FSIP1: variants seen among roughly 807,000 people sequenced by gnomAD.
The protein encoded by FSIP1 is fibrous sheath-interacting protein 1.
Under a neutral mutation model 60.9 loss-of-function variants are expected in FSIP1, and 65 were observed. The observed-to-expected ratio is 1.07, with a 90% CI of 0.87 to 1.31. The LOEUF (loss-of-function observed/expected upper bound fraction) is 1.31, where lower values mean the gene tolerates loss of function less well. Ranked by LOEUF, FSIP1 falls within the 40% of genes most tolerant of loss-of-function variation. FSIP1 has a pLI of 0.00. For missense variants in FSIP1, 675 were observed against 665.5 expected, an observed-to-expected ratio of 1.01 and a Z score of -0.16; for synonymous variants, 209 against 221.2, an observed-to-expected ratio of 0.94 and a Z score of 0.49.
At chr15:39,696,908 G>A (rs2140515671) in intron 10 of FSIP1, among the ~76,000 whole-genome samples, 1 of 72,486 alleles carries the variant, frequency 1.4e-5, no homozygotes, top group African/African-American at 3.4e-5. Context: ...GTGTGTGTGT[G>A]TGTGTGTGTG....
At chr15:39,670,938 C>CAT (rs1893694330) in intron 10 of FSIP1, among the ~76,000 whole-genome samples, 1 of 152,172 alleles carries the variant, frequency 6.6e-6, no homozygotes, top group South Asian at 2.1e-4. Flanking sequence ...AACCAAACCA[C>CAT]ATATATACCA....
chr15:39,672,165 T>A (rs1054020759), intron 10 of FSIP1, among the ~76,000 whole-genome samples: 4 of 152,238 alleles, frequency 2.6e-5, no homozygotes, highest in Non-Finnish European at 5.9e-5. Flanking sequence ...AGTTGCTGAA[T>A]CTGTCCAAGC....
chr15:39,618,735 G>A (rs930334030), intron 10 of FSIP1, among the ~76,000 whole-genome samples: 4 of 152,202 alleles, frequency 2.6e-5, no homozygotes, highest in African/African-American at 9.7e-5. Flanking sequence ...ATCTCTGCTT[G>A]TAAAGGTTAC....
At chr15:39,757,815 G>C (rs1219740662) in intron 5 of FSIP1, among the ~76,000 whole-genome samples, 1 of 152,144 alleles carries the variant, frequency 6.6e-6, no homozygotes. Context: ...TCAGTAGCAA[G>C]AGTGAAGTGC....
chr15:39,652,886 G>T (rs147955096), intron 10 of FSIP1, among the ~76,000 whole-genome samples: 2 of 151,758 alleles, frequency 1.3e-5, no homozygotes, highest in African/African-American at 2.4e-5. Context: ...TTTTTTTAAC[G>T]GTATGCAGGC....
rs968692298 is a variant in FSIP1 at position 39,745,070 on chromosome 15, C to T, written c.560-3170G>A. On this transcript the variant is annotated intron_variant, in intron 5 of 11. Transcript: ENST00000350221. ...ACAAGATACGCCTCTGAGAGAACAG[C>T]AAGGACCAGATTCACGCGCCACCCC... Among the ~76,000 whole-genome samples the T allele has an allele frequency of 5.3e-5, 8 of 152,002 alleles. No homozygotes were observed. The South Asian group carries it at 6.2e-4, about 12-fold the overall frequency.
At chr15:39,695,521 C>T (rs1894780763) in intron 10 of FSIP1, among the ~76,000 whole-genome samples, 1 of 151,924 alleles carries the variant, frequency 6.6e-6, no homozygotes, top group African/African-American at 2.4e-5. Flanking sequence ...TTCTTATGGA[C>T]ACAAATTTAA....
chr15:39,652,226 TA>T (rs1892900595), intron 10 of FSIP1, among the ~76,000 whole-genome samples: 1 of 152,226 alleles, frequency 6.6e-6, no homozygotes, highest in Non-Finnish European at 1.5e-5. Flanking sequence ...ATTACCATTT[TA>T]AAAAAGAATG....
intron 11 of FSIP1, among the ~76,000 whole-genome samples, chr15:39,605,445 T>C (rs1680635430): frequency 6.6e-6 from 1 of 152,174 alleles, no homozygotes; most frequent in South Asian, 2.1e-4. Flanking sequence ...TCACCAGGGA[T>C]CTTATTAAAA....
chr15:39,617,743 G>A lies in FSIP1; in HGVS notation c.1691C>T (p.Thr564Ile). 6.2e-7 allele frequency: 1 copy of A among 1,611,834 alleles called. No individual in the cohort carries two copies. The highest frequency in any genetic ancestry group is 8.5e-7 in the Non-Finnish European group (1 of 1,178,800). ...TGTTCGCCAAGCCTCACCTGCTATTGTATTCTCTGGAGAACTGAGTTTCAG... is the reference window on the plus strand; with the variant it reads ...TGTTCGCCAAGCCTCACCTGCTATTATATTCTCTGGAGAACTGAGTTTCAG... Reference protein sequence around the residue: ...QHLKLSSPENTIADEQETKDA... With the variant: ...QHLKLSSPENIIADEQETKDA... The change falls in exon 11 of 12, where the codon ACA becomes ATA. Residue 564 changes from threonine (T) to isoleucine (I), a missense_variant. Transcript: ENST00000350221.
intron 5 of FSIP1, among the ~76,000 whole-genome samples, chr15:39,760,051 T>C (rs1215448457): frequency 6.6e-6 from 1 of 152,156 alleles, no homozygotes; most frequent in Non-Finnish European, 1.5e-5. Context: ...ACTAAGGATG[T>C]CACTGCAACA....
intron 2 of FSIP1, among the ~76,000 whole-genome samples, chr15:39,772,618 T>C (rs1897926705): frequency 7.0e-6 from 1 of 142,304 alleles, no homozygotes; most frequent in Non-Finnish European, 1.5e-5. Context: ...TGAGGTGGTG[T>C]CTCACTCTGT....
intron 10 of FSIP1, among the ~76,000 whole-genome samples, chr15:39,672,532 C>T (rs78766275): frequency 0.049 from 7,408 of 152,242 alleles, 610 homozygotes; most frequent in African/African-American, 0.17. Context: ...AAGCAATTGG[C>T]ACCTTGAGTA....
intron 10 of FSIP1, among the ~76,000 whole-genome samples, chr15:39,696,672 C>G (rs946970855): frequency 6.6e-6 from 1 of 152,058 alleles, no homozygotes; most frequent in Admixed American, 6.6e-5. Flanking sequence ...TTGGACATTA[C>G]TAGAAATGAA....
chr15:39,607,217 C>T (rs1890858427), intron 11 of FSIP1, among the ~76,000 whole-genome samples: 1 of 152,198 alleles, frequency 6.6e-6, no homozygotes, highest in Non-Finnish European at 1.5e-5. Flanking sequence ...TTCGCTCCTC[C>T]ACCCTATTGG....
At chr15:39,663,678 C>T (rs1032335870) in intron 10 of FSIP1, among the ~76,000 whole-genome samples, 3 of 151,844 alleles carry the variant, frequency 2.0e-5, no homozygotes, top group African/African-American at 4.8e-5. Flanking sequence ...CAATGTGCAA[C>T]GTATTGAGAA....
At chr15:39,728,787 A>T (rs1896296033) in intron 8 of FSIP1, among the ~76,000 whole-genome samples, 1 of 152,256 alleles carries the variant, frequency 6.6e-6, no homozygotes, top group African/African-American at 2.4e-5. Context: ...GAGCTTCTGC[A>T]CAGCAAGAGA....
chr15:39,719,960 C>T (rs1199597199), intron 9 of FSIP1, among the ~76,000 whole-genome samples: 2 of 152,184 alleles, frequency 1.3e-5, no homozygotes, highest in African/African-American at 4.8e-5. Context: ...GTTCCTCAAA[C>T]CCAGAAATGC....
chr15:39,761,819 C>T (rs1897509526), intron 5 of FSIP1, among the ~76,000 whole-genome samples: 1 of 152,168 alleles, frequency 6.6e-6, no homozygotes. Flanking sequence ...ATCATAATAT[C>T]ATTTTGTACC....
Sources: allele counts gnomAD v4.1 joint callset (sites outside exome capture counted in the v4.1 genomes callset), GRCh38; gene constraint gnomAD v4.1.1; transcripts MANE v1.5; gene names NCBI Gene and HGNC (gene_info 2026-07-23, HGNC 2026-07-21).